HMGN5: variants seen among roughly 807,000 people sequenced by gnomAD.
HMGN5 encodes high mobility group nucleosome binding domain 5.
In HMGN5, 4 loss-of-function variants were observed where a neutral mutation model predicts 9.5. The ratio of observed to expected loss-of-function variants is 0.42; its 90% CI spans 0.21 to 0.96. HMGN5 has a LOEUF of 0.96. Among genes scored for constraint, HMGN5 ranks in the 40% least tolerant of loss-of-function variants. HMGN5 has a pLI of 0.30. For synonymous variants in HMGN5, 55 were observed against 57.1 expected, an observed-to-expected ratio of 0.96 and a Z score of 0.16; for missense variants, 192 against 187.5, an observed-to-expected ratio of 1.02 and a Z score of -0.14.
intron 1 of HMGN5, among the ~76,000 whole-genome samples, chrX:81,143,771 T>C (rs747634765): frequency 8.9e-6 from 1 of 112,250 alleles, no homozygotes; most frequent in South Asian, 3.7e-4. Flanking sequence ...TTCTCACTGT[T>C]AGCAGTCTGA....
In HMGN5 at chrX:81,139,714, C is replaced by G. The variant is rs184325151; in HGVS notation, c.-123-18042G>C. 3.6e-5 allele frequency among the ~76,000 whole-genome samples: 4 copies of G among 111,638 alleles called. No homozygotes were observed. The Admixed American group carries it at 3.8e-4, about 11-fold the overall frequency. ...GGAAGAGTACAGCAACAGTGAGGCA[C>G]TGAACTCAGTGCTATTCCGTTATAG... On this transcript the variant is annotated intron_variant, in intron 1 of 6. Coordinates refer to ENST00000358130, the MANE Select transcript of HMGN5 (RefSeq NM_030763.3).
intron 1 of HMGN5, among the ~76,000 whole-genome samples, chrX:81,191,643 A>AC (rs1179969859): frequency 9.0e-6 from 1 of 111,497 alleles, no homozygotes; most frequent in East Asian, 2.8e-4. Flanking sequence ...CAGTCTTTTG[A>AC]CCCCCACATG....
chrX:81,152,854 A>G (rs746243868), intron 1 of HMGN5, among the ~76,000 whole-genome samples: 2 of 108,580 alleles, frequency 1.8e-5, no homozygotes, highest in African/African-American at 6.7e-5. Context: ...AGGGACATGG[A>G]TGAAATTGGA....
intron 1 of HMGN5, among the ~76,000 whole-genome samples, chrX:81,151,670 TG>T (rs2075363062): frequency 9.0e-6 from 1 of 111,504 alleles, no homozygotes. Context: ...TCACGTCCCT[TG>T]TAAGTTGGAT....
At chrX:81,183,206 C>T (rs937764801) in intron 1 of HMGN5, among the ~76,000 whole-genome samples, 5 of 111,629 alleles carry the variant, frequency 4.5e-5, no homozygotes, top group African/African-American at 1.6e-4. Context: ...AAGAAAAGGC[C>T]ATTTTCAGAG....
At position 81,151,535 on chromosome X, in the gene HMGN5, G is replaced by C. The variant is rs747511839; in HGVS notation, c.-123-29863C>G. On this transcript the variant is annotated intron_variant, in intron 1 of 6. Coordinates refer to ENST00000358130, the MANE Select transcript of HMGN5 (RefSeq NM_030763.3). ...TGGCATTGAATCTATAAATTACCTT[G>C]GGCAGTATGGCCATTTTCACGATAT... Among the ~76,000 whole-genome samples the C allele has an allele frequency of 4.7e-4, 52 of 109,754 alleles. No individual in the cohort carries two copies. In the South Asian group the frequency reaches 0.018, roughly 39 times the overall value.
chrX:81,179,303 C>T (rs1010317820), intron 1 of HMGN5, among the ~76,000 whole-genome samples: 2 of 111,434 alleles, frequency 1.8e-5, no homozygotes, highest in African/African-American at 6.5e-5. Flanking sequence ...TTGGAAAACC[C>T]CATCGTTTCA....
At chrX:81,188,765 T>C (rs185365648) in intron 1 of HMGN5, among the ~76,000 whole-genome samples, 2 of 110,705 alleles carry the variant, frequency 1.8e-5, no homozygotes, top group Admixed American at 9.6e-5. Flanking sequence ...CTGAGAATGA[T>C]GGTTTCCAGC....
At chrX:81,136,056 T>G (rs1056427000) in intron 1 of HMGN5, among the ~76,000 whole-genome samples, 2 of 111,773 alleles carry the variant, frequency 1.8e-5, no homozygotes, top group Non-Finnish European at 3.8e-5. Context: ...TCTCACCAGA[T>G]GCAGCCACCT....
intron 1 of HMGN5, among the ~76,000 whole-genome samples, chrX:81,129,473 TTC>T (rs745771825): frequency 3.0e-4 from 33 of 111,256 alleles, no homozygotes; most frequent in Non-Finnish European, 5.1e-4. Context: ...CTACTGGATT[TTC>T]TCTTTCATTC....
At chrX:81,146,217 C>A (rs781305673) in intron 1 of HMGN5, among the ~76,000 whole-genome samples, 1 of 111,881 alleles carries the variant, frequency 8.9e-6, no homozygotes, top group Non-Finnish European at 1.9e-5. Flanking sequence ...AGCACCACAT[C>A]ACACTTATTC....
intron 1 of HMGN5, among the ~76,000 whole-genome samples, chrX:81,177,362 GAAAGCAAAAAAAAAAAAAAAAAA>G (rs1453834512): frequency 1.8e-3 from 36 of 20,488 alleles, no homozygotes; most frequent in African/African-American, 7.1e-3. Flanking sequence ...CAAGCAAATG[GAAAGCAAAAAAAAAAAAAAAAAA>G]AAAAAAAAAA....
At chrX:81,118,825 T>C (rs1304277208) in intron 3 of HMGN5, 66 bp from the exon 4 acceptor site, 1 of 762,878 alleles carries the variant, frequency 1.3e-6, no homozygotes, top group Non-Finnish European at 2.0e-6. Context: ...TTATTTTTAT[T>C]GAGGTCAAAA....
chrX:81,154,387 T>G (rs2075377263), intron 1 of HMGN5, among the ~76,000 whole-genome samples: 1 of 111,347 alleles, frequency 9.0e-6, no homozygotes, highest in Non-Finnish European at 1.9e-5. Context: ...GACTTAAATC[T>G]GACCCTTCAA....
chrX:81,182,046 T>C (rs959228914), intron 1 of HMGN5, among the ~76,000 whole-genome samples: 3 of 111,825 alleles, frequency 2.7e-5, no homozygotes, highest in Non-Finnish European at 5.6e-5. Flanking sequence ...GTGGTTGTAC[T>C]CACTTACATT....
chrX:81,198,533 T>C (rs914014170), intron 1 of HMGN5, among the ~76,000 whole-genome samples: 3 of 111,532 alleles, frequency 2.7e-5, no homozygotes, highest in Non-Finnish European at 5.6e-5. Context: ...TCCACCACGA[T>C]CAAGTTGGCT....
At chrX:81,182,904 T>A (rs1234537105) in intron 1 of HMGN5, among the ~76,000 whole-genome samples, 1 of 111,287 alleles carries the variant, frequency 9.0e-6, no homozygotes, top group Non-Finnish European at 1.9e-5. Flanking sequence ...TGGAAGAGTG[T>A]GGAAGGCTCA....
intron 1 of HMGN5, among the ~76,000 whole-genome samples, chrX:81,140,428 C>T (rs915476601): frequency 9.1e-6 from 1 of 109,711 alleles, no homozygotes; most frequent in African/African-American, 3.3e-5. Context: ...GGCATGGTGG[C>T]GGGCGCCTGT....
At chrX:81,195,952 C>T (rs1451622325) in intron 1 of HMGN5, among the ~76,000 whole-genome samples, 1 of 111,370 alleles carries the variant, frequency 9.0e-6, no homozygotes, top group Admixed American at 9.5e-5. Flanking sequence ...GAGATCAGAC[C>T]TCTGAACACA....
Sources: allele counts gnomAD v4.1 joint callset (sites outside exome capture counted in the v4.1 genomes callset), GRCh38; gene constraint gnomAD v4.1.1; transcripts MANE v1.5; gene names NCBI Gene and HGNC (gene_info 2026-07-23, HGNC 2026-07-21).